MTMR7: variants seen among roughly 807,000 people sequenced by gnomAD.
MTMR7 encodes the protein myotubularin related protein 7, also known as phosphatidylinositol-3-phosphate phosphatase MTMR7.
MTMR7 carries 76 observed loss-of-function variants against 81.2 expected under a neutral mutation model. The ratio of observed to expected loss-of-function variants is 0.94; its 90% CI spans 0.78 to 1.13. The LOEUF (loss-of-function observed/expected upper bound fraction) is 1.13, where lower values mean the gene tolerates loss of function less well. Among genes scored for constraint, MTMR7 ranks in the 50% most tolerant of loss-of-function variants. The pLI, the probability that MTMR7 is intolerant of heterozygous loss-of-function variation, is 0.00. For missense variants in MTMR7, 1,044 were observed against 820.0 expected (o/e 1.27, Z -3.34); for synonymous variants, 372 against 289.8 (o/e 1.28, Z -2.88).
Position 17,305,943 on chromosome 8 carries a change from T to C in MTMR7, c.1166A>G (p.Asp389Gly). ...TGGAGAGATTTCTTTTGGGTCACCA[T>C]CTAGATTGCCATATCTATAAAACAA... ...HKFNHRYGNLDGDPKEISPVI... is the reference protein window; with the variant it reads ...HKFNHRYGNLGGDPKEISPVI... The change falls in exon 11 of 14, where the codon GAT (aspartate) becomes GGT (glycine). Residue 389 changes from aspartate to glycine, a missense_variant. Coordinates refer to ENST00000180173, the MANE Select transcript of MTMR7 (RefSeq NM_004686.5). 1 of 1,613,002 alleles carries C rather than the reference T, an allele frequency of 6.2e-7. No homozygotes were observed. Among genetic ancestry groups the C allele is most frequent in the Non-Finnish European group, 8.5e-7 (1 of 1,179,202 alleles).
chr8:17,304,805 T>C lies in MTMR7; in HGVS notation c.1353-286A>G, dbSNP rs148414508. Among the ~76,000 whole-genome samples the C allele has an allele frequency of 1.2e-4, 17 of 146,362 alleles. No homozygotes were observed. The East Asian group carries it at 3.5e-3, about 30-fold the overall frequency. On this transcript the variant is annotated intron_variant, in intron 11 of 13. Transcript: ENST00000180173. ...TTTGGGGGGAGTTTTTTCCCCCAAATAGTCATTGGACATTTATAATTTGTC... is the reference window on the plus strand; with the variant it reads ...TTTGGGGGGAGTTTTTTCCCCCAAACAGTCATTGGACATTTATAATTTGTC...
At chr8:17,339,870 C>G (rs540050520) in intron 6 of MTMR7, among the ~76,000 whole-genome samples, 1 of 152,294 alleles carries the variant, frequency 6.6e-6, no homozygotes, top group South Asian at 2.1e-4. Context: ...CTCTAACTTA[C>G]GAAGTGAAAA....
intron 4 of MTMR7, among the ~76,000 whole-genome samples, chr8:17,355,299 G>T (rs1819856728): frequency 6.6e-6 from 1 of 152,148 alleles, no homozygotes; most frequent in Non-Finnish European, 1.5e-5. Context: ...GAACAAATTA[G>T]TCTGATTACA....
At chr8:17,311,485 G>A (rs1563322073) in intron 9 of MTMR7, 26 bp downstream of exon 9, 1 of 1,613,826 alleles carries the variant, frequency 6.2e-7, no homozygotes, top group East Asian at 2.2e-5. Context: ...CACCGCCTGT[G>A]GGAATCGCCC....
intron 5 of MTMR7, among the ~76,000 whole-genome samples, chr8:17,347,843 G>C (rs1453888524): frequency 6.6e-6 from 1 of 152,164 alleles, no homozygotes; most frequent in Non-Finnish European, 1.5e-5. Flanking sequence ...GGTGTCACGT[G>C]GCAGTTTTTG....
At chr8:17,322,049 T>A (rs1818418305) in intron 7 of MTMR7, among the ~76,000 whole-genome samples, 1 of 152,172 alleles carries the variant, frequency 6.6e-6, no homozygotes, top group Admixed American at 6.5e-5. Flanking sequence ...CCTGTGGGGT[T>A]GGTCTTTCTT....
intron 10 of MTMR7, among the ~76,000 whole-genome samples, chr8:17,307,615 A>G (rs1817539018): frequency 6.6e-6 from 1 of 152,242 alleles, no homozygotes; most frequent in South Asian, 2.1e-4. Flanking sequence ...TATTCACAAT[A>G]GCAAAGACTT....
intron 1 of MTMR7, among the ~76,000 whole-genome samples, chr8:17,380,137 G>A (rs1318854218): frequency 6.6e-6 from 1 of 152,152 alleles, no homozygotes; most frequent in African/African-American, 2.4e-5. Flanking sequence ...GGAACTGGCA[G>A]AAATTCTGTG....
intron 1 of MTMR7, among the ~76,000 whole-genome samples, chr8:17,379,185 G>A (rs571433354): frequency 2.0e-5 from 3 of 152,276 alleles, no homozygotes; most frequent in South Asian, 4.1e-4. Context: ...CAGGAACATG[G>A]GGGCACTGGT....
chr8:17,366,376 A>G (rs995720970), intron 3 of MTMR7, among the ~76,000 whole-genome samples: 4 of 152,194 alleles, frequency 2.6e-5, no homozygotes, highest in South Asian at 2.1e-4. Flanking sequence ...GGGAGAAGCA[A>G]TAAATAATGT....
At chr8:17,402,436 C>T (rs566318643) in intron 1 of MTMR7, among the ~76,000 whole-genome samples, 1 of 152,204 alleles carries the variant, frequency 6.6e-6, no homozygotes, top group South Asian at 2.1e-4. Context: ...CTCTGATAAC[C>T]ATCCTTCTAC....
At chr8:17,408,720 G>A (rs1031866602) in intron 1 of MTMR7, among the ~76,000 whole-genome samples, 3 of 152,128 alleles carry the variant, frequency 2.0e-5, no homozygotes, top group African/African-American at 4.8e-5. Flanking sequence ...AGTAAGAGAT[G>A]AGCAAAAGTC....
chr8:17,409,925 GGTT>G (rs1299882461), intron 1 of MTMR7, among the ~76,000 whole-genome samples: 1 of 152,188 alleles, frequency 6.6e-6, no homozygotes. Flanking sequence ...GTGATCAGAG[GGTT>G]GTGGATAAGA....
chr8:17,377,368 T>C (rs947534115), intron 1 of MTMR7, among the ~76,000 whole-genome samples: 1 of 152,084 alleles, frequency 6.6e-6, no homozygotes, highest in Non-Finnish European at 1.5e-5. Context: ...TTTTAATTCT[T>C]ATCTGTGGGT....
At position 17,371,142 on chromosome 8, in the gene MTMR7, G is replaced by C; in HGVS notation, c.205C>G (p.Pro69Ala). 4 of 1,614,184 alleles carry C rather than the reference G, an allele frequency of 2.5e-6. No homozygotes were observed. The South Asian group carries it at 4.4e-5, about 18-fold the overall frequency. ...EKQATTATGC[P>A]LLIRCKNFQI... ...AAGTTCTTGCAGCGAATCAGCAGAG[G>C]GCATCCGGTAGCGGTTGTTGCCTGT... The change falls in exon 3 of 14, where the codon CCT (proline) becomes GCT (alanine). Residue 69 changes from proline to alanine, a missense_variant. Pro to Ala is a conservative substitution (Grantham distance 27). Transcript: ENST00000180173.
intron 6 of MTMR7, among the ~76,000 whole-genome samples, chr8:17,340,817 G>A (rs969851120): frequency 2.0e-5 from 3 of 152,134 alleles, no homozygotes; most frequent in Non-Finnish European, 2.9e-5. Flanking sequence ...AATTTTTAGA[G>A]TTCAGGGTTT....
rs551840732 is a variant in MTMR7, at chr8:17,324,243, C to G, written c.865+6907G>C. On this transcript the variant is annotated intron_variant, in intron 7 of 13. Coordinates refer to ENST00000180173, the MANE Select transcript of MTMR7 (RefSeq NM_004686.5). ...TCCAATGCCTGGCATATAGAACACT[C>G]TCAGTAACTGTCTGATGAATAGATG... is the stretch of plus-strand genomic sequence containing the variant. Among the ~76,000 whole-genome samples, 3 of 151,606 alleles carry G rather than the reference C, an allele frequency of 2.0e-5. No individual in the cohort carries two copies. The East Asian group carries it at 5.8e-4, about 29-fold the overall frequency.
intron 6 of MTMR7, among the ~76,000 whole-genome samples, chr8:17,333,614 C>T (rs568586660): frequency 2.0e-5 from 3 of 152,238 alleles, no homozygotes; most frequent in South Asian, 4.1e-4. Flanking sequence ...TTCTGGGAGG[C>T]AGAGGTGGGG....
intron 7 of MTMR7, among the ~76,000 whole-genome samples, chr8:17,318,743 C>T (rs1349252627): frequency 6.6e-6 from 1 of 152,152 alleles, no homozygotes; most frequent in Non-Finnish European, 1.5e-5. Flanking sequence ...TGTCCCTGCC[C>T]ACTCCAATCT....
Sources: allele counts gnomAD v4.1 joint callset (sites outside exome capture counted in the v4.1 genomes callset), GRCh38; gene constraint gnomAD v4.1.1; transcripts MANE v1.5; gene names NCBI Gene and HGNC (gene_info 2026-07-23, HGNC 2026-07-21).